Variants in HNRNPA2B1 observed in about 807,000 individuals in gnomAD.
HNRNPA2B1 encodes the protein heterogeneous nuclear ribonucleoproteins A2/B1.
A neutral mutation model predicts 46.3 loss-of-function variants in HNRNPA2B1; 3 were observed. That is an observed-to-expected ratio of 0.06 (90% CI 0.03 to 0.17). HNRNPA2B1 has a LOEUF of 0.17. Ranked by LOEUF, HNRNPA2B1 falls within the 10% of genes least tolerant of loss-of-function variation. The probability of loss-of-function intolerance (pLI) is 1.00; values close to 1 mark genes in which losing one functional copy is unlikely to be tolerated. For missense variants in HNRNPA2B1, 221 were observed against 418.9 expected (o/e 0.53, Z 4.12); for synonymous variants, 225 against 133.8 (o/e 1.68, Z -4.70).
Position 26,197,694 on chromosome 7 carries a change from G to A in HNRNPA2B1, c.45C>T (p.Gly15=), listed in dbSNP as rs759565085. The part of the protein sequence containing the change: ...KEQFRKLFIG[G]LSFETTEESL... ...TTTCTTCTGTGGTTTCAAAGCTTAAGCCACCAATAAAGAGCTTACGGAACT... is the reference window on the plus strand; with the variant it reads ...TTTCTTCTGTGGTTTCAAAGCTTAAACCACCAATAAAGAGCTTACGGAACT... Residue 15 remains glycine, a synonymous_variant, in exon 2 of 11, where the codon GGC becomes GGT. Coordinates refer to ENST00000618183, the MANE Select transcript of HNRNPA2B1 (RefSeq NM_002137.4). The A allele has an allele frequency of 2.0e-5, 33 of 1,613,764 alleles. No individual in the cohort carries two copies. In the South Asian group the frequency reaches 2.1e-4, roughly 10 times the overall value.
chr7:26,197,788 G>A (rs1325125781), intron 1 of HNRNPA2B1, 56 bp from the exon 2 acceptor site: 7 of 1,599,228 alleles, frequency 4.4e-6, no homozygotes, highest in African/African-American at 2.7e-5. Flanking sequence ...TTGTATGCAG[G>A]AAATTAAATT....
chr7:26,193,103 T>G (rs1236548977), intron 9 of HNRNPA2B1, 148 bp downstream of exon 9: 5 of 721,886 alleles, frequency 6.9e-6, no homozygotes, highest in Non-Finnish European at 8.8e-6. Context: ...CTGTGGAGAT[T>G]TATGCAAAAT....
At chr7:26,197,785 C>A in intron 1 of HNRNPA2B1, 53 bp from the exon 2 acceptor site, 3 of 1,596,424 alleles carry the variant, frequency 1.9e-6, no homozygotes, top group Non-Finnish European at 1.7e-6. Flanking sequence ...TCTTTGTATG[C>A]AGGAAATTAA....
In HNRNPA2B1 at chr7:26,191,278, ATT is replaced by A. The variant is rs1481804368; in HGVS notation, c.*1080_*1081del. The A allele has an allele frequency of 6.6e-6, 1 of 152,226 alleles. No individual in the cohort carries two copies. The highest frequency in any genetic ancestry group is 1.9e-4 in the East Asian group (1 of 5,206). The allele number at this position is 152,226 out of a possible 1,614,324, so 9.4% of individuals were successfully genotyped here. A position where few individuals can be genotyped will look rare whatever the true frequency, so the allele number is the denominator to read the frequency against. On this transcript the variant is annotated 3_prime_UTR_variant, in exon 11 of 11. Coordinates refer to ENST00000618183, the MANE Select transcript of HNRNPA2B1 (RefSeq NM_002137.4). ...TTGGAAAACAGGGTTTATAAAAATTATTCTCTTGAGTTTATAAATTGTTAAAC... is the reference window on the plus strand; with the variant it reads ...TTGGAAAACAGGGTTTATAAAAATTACTCTTGAGTTTATAAATTGTTAAAC...
Position 26,191,031 on chromosome 7 carries a change from C to T in HNRNPA2B1, c.*1329G>A, listed in dbSNP as rs1272440738. ...ACACCACTGAAGGAACCAAGAAAAG[C>T]TTTATTAATGATCACTTGGCTTGCC... On this transcript the variant is annotated 3_prime_UTR_variant, in exon 11 of 11. Coordinates refer to ENST00000618183, the MANE Select transcript of HNRNPA2B1 (RefSeq NM_002137.4). 1 of 152,544 alleles carries T rather than the reference C, an allele frequency of 6.6e-6. No homozygotes were observed. The highest frequency in any genetic ancestry group is 2.4e-5 in the African/African-American group (1 of 41,424). The allele number at this position is 152,544 out of a possible 1,614,324, so 9.4% of individuals were successfully genotyped here. A position where few individuals can be genotyped will look rare whatever the true frequency, so the allele number is the denominator to read the frequency against.
chr7:26,191,104 T>C lies in HNRNPA2B1; in HGVS notation c.*1256A>G, dbSNP rs1408309787. On this transcript the variant is annotated 3_prime_UTR_variant, in exon 11 of 11. Transcript: ENST00000618183. ...TTACAGTCTTTGTGGCAGCAGAATA[T>C]ACTTGTCCATGGTTCATATCAATGC... 6.7e-6 allele frequency: 1 copy of C among 150,298 alleles called. No individual in the cohort carries two copies. The highest frequency in any genetic ancestry group is 1.5e-5 in the Non-Finnish European group (1 of 67,802). 9.3% of individuals were successfully genotyped at this position (150,298 alleles called of 1,614,324 possible).
chr7:26,194,118 G>A (rs1277704649), intron 7 of HNRNPA2B1, among the ~76,000 whole-genome samples: 1 of 152,176 alleles, frequency 6.6e-6, no homozygotes, highest in Non-Finnish European at 1.5e-5. Flanking sequence ...GTTCTCGGTT[G>A]GGCACAGTGG....
At chr7:26,200,418 C>A in intron 1 of HNRNPA2B1, 154 bp downstream of exon 1, 1 of 796,164 alleles carries the variant, frequency 1.3e-6, no homozygotes, top group East Asian at 2.4e-5. Flanking sequence ...CAGGCCTCCG[C>A]TCAAGACCCC....
chr7:26,195,779 T>G (rs1474623358), intron 7 of HNRNPA2B1, 68 bp downstream of exon 7: 50 of 1,523,604 alleles, frequency 3.3e-5, no homozygotes, highest in Admixed American at 3.2e-4. Context: ...AAAATATAAA[T>G]GAAGTAAATA....
chr7:26,195,116 C>CAAAAAAAAAAAAAAAAAAAA (rs1783399450), intron 7 of HNRNPA2B1, among the ~76,000 whole-genome samples: 1 of 127,606 alleles, frequency 7.8e-6, no homozygotes, highest in African/African-American at 3.2e-5. Context: ...AAAAAGAAAC[C>CAAAAAAAAAAAAAAAAAAAA]ATATTAAAAA....
Position 26,191,627 on chromosome 7 carries a change from T to A in HNRNPA2B1, c.*733A>T, listed in dbSNP as rs539369396. ...GCTGGGGTTATTTCCTTTCCTTGCA[T>A]TGAAGAAGCAGCATCTAAAAGATCT... On this transcript the variant is annotated 3_prime_UTR_variant, in exon 11 of 11. Transcript: ENST00000618183. The A allele has an allele frequency of 3.3e-5, 5 of 152,332 alleles. No individual in the cohort carries two copies. In the South Asian group the frequency reaches 1.0e-3, roughly 32 times the overall value. 9.4% of individuals were successfully genotyped at this position (152,332 alleles called of 1,614,324 possible). A position where few individuals can be genotyped will look rare whatever the true frequency, so the allele number is the denominator to read the frequency against.
rs1234707634 is a variant in HNRNPA2B1 at position 26,193,323 on chromosome 7, G to C, written c.892C>G (p.Pro298Ala). The change falls in exon 9 of 11, where the codon CCT becomes GCT. Residue 298 changes from proline to alanine, a missense_variant. Pro to Ala is a conservative substitution (Grantham distance 27). Coordinates refer to ENST00000618183, the MANE Select transcript of HNRNPA2B1 (RefSeq NM_002137.4). ...YNDFGNYNQQ[P>A]SNYGPMKSGN... The stretch of plus-strand genomic sequence containing the variant: ...CTCTTCATTGGACCGTAGTTAGAAG[G>C]TTGCTGGTTATAATTTCCAAAATCA... 4 of 1,612,344 alleles carry C rather than the reference G, an allele frequency of 2.5e-6. No individual in the cohort carries two copies. The highest frequency in any genetic ancestry group is 1.3e-5 in the African/African-American group (1 of 74,836).
intron 6 of HNRNPA2B1, 68 bp downstream of exon 6, chr7:26,196,333 A>C: frequency 2.3e-6 from 3 of 1,297,368 alleles, no homozygotes; most frequent in South Asian, 1.3e-5. Context: ...GATTCTACTA[A>C]TGAAAACCTA....
At position 26,192,576 on chromosome 7, in the gene HNRNPA2B1, T is replaced by A. The variant is rs1416641470; in HGVS notation, c.966A>T (p.Gly322=). The change falls in exon 10 of 11, where the codon GGA becomes GGT. Residue 322 remains glycine, a splice_region_variant and synonymous_variant. Coordinates refer to ENST00000618183, the MANE Select transcript of HNRNPA2B1 (RefSeq NM_002137.4). ...CTCCACTGCCTCCTGGACCATAGTT[T>A]CCTATAATTGTTGGAACAGCAAGAG... ...SRNMGGPYGG[G]NYGPGGSGGS... is the part of the protein sequence containing the mutation. 6.2e-7 allele frequency: 1 copy of A among 1,613,876 alleles called. No individual in the cohort carries two copies. The highest frequency in any genetic ancestry group is 2.2e-5 in the East Asian group (1 of 44,880).
chr7:26,199,053 A>G (rs956786707), intron 1 of HNRNPA2B1: 3 of 152,292 alleles, frequency 2.0e-5, no homozygotes. Context: ...CACGATAGTT[A>G]TTTTCATTTT....
At position 26,191,223 on chromosome 7, in the gene HNRNPA2B1, ACAAC is replaced by A. The variant is rs896234316; in HGVS notation, c.*1133_*1136del. On this transcript the variant is annotated 3_prime_UTR_variant, in exon 11 of 11. Coordinates refer to ENST00000618183, the MANE Select transcript of HNRNPA2B1 (RefSeq NM_002137.4). The stretch of plus-strand genomic sequence containing the variant: ...GGAAAAGAAGGAAAAAAAGGGAAAA[ACAAC>A]CAAAATAATTTAAGTAAATGACAGA... 1 of 152,400 alleles carries A rather than the reference ACAAC, an allele frequency of 6.6e-6. No homozygotes were observed. Among genetic ancestry groups the A allele is most frequent in the Non-Finnish European group, 1.5e-5 (1 of 68,000 alleles). The allele number at this position is 152,400 out of a possible 1,614,324, so 9.4% of individuals were successfully genotyped here.
rs1488075518 is a variant in HNRNPA2B1, at chr7:26,196,535, GAAGA to G, written c.577+18_577+21del. On this transcript the variant is annotated intron_variant, in intron 5 of 10. Coordinates refer to ENST00000618183, the MANE Select transcript of HNRNPA2B1 (RefSeq NM_002137.4). ...GCCCTTATATATGAACAAAAATAAA[GAAGA>G]AACAGAATTAAAATTACCTCCTCTT... is the stretch of plus-strand genomic sequence containing the variant. 1 of 1,612,158 alleles carries G rather than the reference GAAGA, an allele frequency of 6.2e-7. No homozygotes were observed.
chr7:26,191,909 T>C lies in HNRNPA2B1; in HGVS notation c.*451A>G, dbSNP rs1041652119. 6.5e-6 allele frequency: 1 copy of C among 152,774 alleles called. No homozygotes were observed. The highest frequency in any genetic ancestry group is 1.9e-4 in the East Asian group (1 of 5,190). 9.5% of individuals were successfully genotyped at this position (152,774 alleles called of 1,614,324 possible). On this transcript the variant is annotated 3_prime_UTR_variant, in exon 11 of 11. Transcript: ENST00000618183. Reference sequence around the variant, plus strand: ...AGCTTCTTAACTCTACACACGCACTTAAATTTTTTTAAAGGAAAAACGTTA... The same window carrying C: ...AGCTTCTTAACTCTACACACGCACTCAAATTTTTTTAAAGGAAAAACGTTA...
At chr7:26,194,914 G>T (rs1012493921) in intron 7 of HNRNPA2B1, among the ~76,000 whole-genome samples, 1 of 151,386 alleles carries the variant, frequency 6.6e-6, no homozygotes, top group African/African-American at 2.4e-5. Context: ...ACCAACATGG[G>T]GAAACCCCGT....
Sources: allele counts gnomAD v4.1 joint callset (sites outside exome capture counted in the v4.1 genomes callset), GRCh38; gene constraint gnomAD v4.1.1; transcripts MANE v1.5; gene names NCBI Gene and HGNC (gene_info 2026-07-23, HGNC 2026-07-21).